TMEM8B: variants seen among roughly 807,000 people sequenced by gnomAD.
TMEM8B encodes transmembrane protein 8B.
In TMEM8B, 29 loss-of-function variants were observed where a neutral mutation model predicts 49.3. The ratio of observed to expected loss-of-function variants is 0.59; its 90% CI spans 0.44 to 0.80. The LOEUF (loss-of-function observed/expected upper bound fraction) is 0.80. TMEM8B is among the 30% of genes least tolerant of loss of function. The probability of loss-of-function intolerance (pLI) is 0.00; values close to 1 mark genes in which losing one functional copy is unlikely to be tolerated. For synonymous variants in TMEM8B, 264 were observed against 272.8 expected (o/e 0.97, Z 0.32); for missense variants, 575 against 658.5 (o/e 0.87, Z 1.39).
intron 1 of TMEM8B, 137 bp from the exon 2 acceptor site, chr9:35,834,324 G>GC: frequency 2.5e-6 from 1 of 397,816 alleles, no homozygotes; most frequent in Non-Finnish European, 4.4e-6. Context: ...CAGATCTGCA[G>GC]CCTGAAACCC....
intron 10 of TMEM8B, among the ~76,000 whole-genome samples, chr9:35,850,262 C>T (rs1588176460): frequency 1.3e-5 from 2 of 152,266 alleles, no homozygotes; most frequent in Non-Finnish European, 2.9e-5. Context: ...GAAAAAAAAC[C>T]TTGCAGGATA....
chr9:35,832,856 C>T (rs1830049090), intron 1 of TMEM8B, among the ~76,000 whole-genome samples: 1 of 152,208 alleles, frequency 6.6e-6, no homozygotes, highest in Admixed American at 6.5e-5. Context: ...GGAAACCCGT[C>T]TCTTCCATCA....
In TMEM8B at chr9:35,829,333, G is replaced by A. The variant is rs1829592523; in HGVS notation, c.-115G>A. 5.5e-6 allele frequency: 2 copies of A among 365,798 alleles called. No individual in the cohort carries two copies. The highest frequency in any genetic ancestry group is 9.3e-5 in the Admixed American group (2 of 21,520). The allele number at this position is 365,798 out of a possible 1,614,324, so 22.7% of individuals were successfully genotyped here. On this transcript the variant is annotated 5_prime_UTR_variant, in exon 1 of 13. Transcript: ENST00000643932. ...ACTCCTACCCAGGTCCCCGGCCCCC[G>A]CCCCGGGCCCGCGAGGACACCGGAG...
chr9:35,839,873 C>T (rs1436360053), intron 3 of TMEM8B, among the ~76,000 whole-genome samples: 3 of 152,218 alleles, frequency 2.0e-5, no homozygotes, highest in African/African-American at 4.8e-5. Context: ...ATTTTAGCAC[C>T]TAGTGTGTGC....
In TMEM8B at chr9:35,858,369, G is replaced by C. The variant is rs1832589786; in HGVS notation, c.*4529G>C. 1 of 152,082 alleles carries C rather than the reference G, an allele frequency of 6.6e-6. No individual in the cohort carries two copies. Among genetic ancestry groups the C allele is most frequent in the South Asian group, 2.1e-4 (1 of 4,808 alleles). 9.4% of individuals were successfully genotyped at this position (152,082 alleles called of 1,614,324 possible). A position where few individuals can be genotyped will look rare whatever the true frequency, so the allele number is the denominator to read the frequency against. ...GTCTCCCAAAGTGCTGGGATTACAG[G>C]TATGAGCCACCACACCTGGCCCACT... On this transcript the variant is annotated 3_prime_UTR_variant, in exon 13 of 13. Transcript: ENST00000643932.
intron 1 of TMEM8B, among the ~76,000 whole-genome samples, chr9:35,834,031 T>TACACAC (rs377460934): frequency 0.14 from 19,579 of 138,164 alleles, 1,581 homozygotes; most frequent in East Asian, 0.3. Flanking sequence ...CATGCCAAAA[T>TACACAC]ACACACACAC....
At chr9:35,848,201 T>C (rs568302692) in intron 10 of TMEM8B, among the ~76,000 whole-genome samples, 105 of 152,322 alleles carry the variant, frequency 6.9e-4, no homozygotes, top group African/African-American at 2.4e-3. Flanking sequence ...TCTGCAACCA[T>C]GCTGCAGAGA....
chr9:35,832,498 C>T (rs1361936066), intron 1 of TMEM8B, among the ~76,000 whole-genome samples: 4 of 152,246 alleles, frequency 2.6e-5, no homozygotes, highest in Non-Finnish European at 5.9e-5. Context: ...TAGCCCCTGG[C>T]CACTGTGGGG....
Position 35,846,918 on chromosome 9 carries a change from C to A in TMEM8B, c.2098C>A (p.Pro700Thr), listed in dbSNP as rs747613160. Residue 700 changes from proline to threonine, a missense_variant, in exon 10 of 13, where the codon CCA becomes ACA. Pro to Thr is a conservative substitution (Grantham distance 38). Coordinates refer to ENST00000643932, the MANE Select transcript of TMEM8B (RefSeq NM_001042590.4). ...CTGCCTGAGCAACCTCATGTTTCTG[C>A]CACCTGTGGTCCTGGCCATTCGGAG... ...LLCLSNLMFL[P>T]PVVLAIRSRY... The A allele has an allele frequency of 1.2e-5, 20 of 1,614,142 alleles. No homozygotes were observed. The South Asian group carries it at 2.1e-4, about 17-fold the overall frequency.
rs1300351303 is a variant in TMEM8B at position 35,861,511 on chromosome 9, C to G, written c.*7671C>G. 2 of 152,548 alleles carry G rather than the reference C, an allele frequency of 1.3e-5. No homozygotes were observed. The highest frequency in any genetic ancestry group is 4.8e-5 in the African/African-American group (2 of 41,476). The allele number at this position is 152,548 out of a possible 1,614,324, so 9.4% of individuals were successfully genotyped here. ...TGTCTTCTCTACTACACCTTAAGAGCAGGACTCTGCCTCCTTCCTACCAGC... is the reference window on the plus strand; with the variant it reads ...TGTCTTCTCTACTACACCTTAAGAGGAGGACTCTGCCTCCTTCCTACCAGC... On this transcript the variant is annotated 3_prime_UTR_variant, in exon 13 of 13. Transcript: ENST00000643932.
rs374233112 is a variant in TMEM8B, at chr9:35,853,521, G to A, written c.2456G>A (p.Arg819His). 36 of 1,613,204 alleles carry A rather than the reference G, an allele frequency of 2.2e-5. No homozygotes were observed. Among genetic ancestry groups the A allele is most frequent in the African/African-American group, 1.3e-4 (10 of 75,040 alleles). Reference sequence around the variant, plus strand: ...CTCCCCCAGACAGTACGCAGCGTCCGCCGCCGGCACTGCTACCCACCCACG... The same window carrying A: ...CTCCCCCAGACAGTACGCAGCGTCCACCGCCGGCACTGCTACCCACCCACG... ...LATAWTVRSV[R>H]RRHCYPPTWR... Residue 819 changes from arginine (R) to histidine (H), a missense_variant, in exon 13 of 13, where the codon CGC becomes CAC. Arg to His is a conservative substitution (Grantham distance 29). Transcript: ENST00000643932. This position sits in a 1 kb window ranked among gnomAD's most constrained non-coding sequence, Gnocchi z 4.2.
At chr9:35,850,541 C>G (rs1032729033) in intron 10 of TMEM8B, among the ~76,000 whole-genome samples, 1 of 152,212 alleles carries the variant, frequency 6.6e-6, no homozygotes, top group Admixed American at 6.5e-5. Flanking sequence ...CTTAAACAAT[C>G]TCTTTGACCT....
chr9:35,837,894 A>G (rs1038222774), intron 3 of TMEM8B, among the ~76,000 whole-genome samples: 17 of 152,096 alleles, frequency 1.1e-4, no homozygotes, highest in East Asian at 3.9e-4. Context: ...GGTTGTGGAT[A>G]CCATTTGGCA....
chr9:35,847,159 A>G, intron 10 of TMEM8B, 164 bp downstream of exon 10: 2 of 1,609,104 alleles, frequency 1.2e-6, no homozygotes, highest in Non-Finnish European at 1.7e-6. Context: ...TGCATAGATA[A>G]TGGTCATTTT....
chr9:35,829,276 G>C lies in TMEM8B; in HGVS notation c.-172G>C. The C allele has an allele frequency of 2.8e-6, 1 of 360,386 alleles. No individual in the cohort carries two copies. The highest frequency in any genetic ancestry group is 5.0e-6 in the Non-Finnish European group (1 of 200,702). 22.3% of individuals were successfully genotyped at this position (360,386 alleles called of 1,614,324 possible). A position where few individuals can be genotyped will look rare whatever the true frequency, so the allele number is the denominator to read the frequency against. ...CCGCCGCGGGGCCTGGTTATCGCCG[G>C]TTCAGCGCAGCCCGGAGTCGCCCAG... On this transcript the variant is annotated 5_prime_UTR_variant, in exon 1 of 13. Coordinates refer to ENST00000643932, the MANE Select transcript of TMEM8B (RefSeq NM_001042590.4).
At chr9:35,834,069 C>CACACACCT (rs768278144) in intron 1 of TMEM8B, among the ~76,000 whole-genome samples, 1 of 150,900 alleles carries the variant, frequency 6.6e-6, no homozygotes, top group Non-Finnish European at 1.5e-5. Context: ...CACACACACA[C>CACACACCT]ACCTTCCACA....
rs930728649 is a variant in TMEM8B, at chr9:35,863,853, G to A, written c.*10013G>A. ...GGAGGAGAACCAGAATTACTGCTGA[G>A]CAGCTCCTCTGCATGTGGGTGCAAT... On this transcript the variant is annotated 3_prime_UTR_variant, in exon 13 of 13. Coordinates refer to ENST00000643932, the MANE Select transcript of TMEM8B (RefSeq NM_001042590.4). The A allele has an allele frequency of 1.3e-5, 2 of 152,292 alleles. No homozygotes were observed. The highest frequency in any genetic ancestry group is 4.8e-5 in the African/African-American group (2 of 41,458). 9.4% of individuals were successfully genotyped at this position (152,292 alleles called of 1,614,324 possible). A position where few individuals can be genotyped will look rare whatever the true frequency, so the allele number is the denominator to read the frequency against.
chr9:35,839,302 C>T (rs150718800), intron 3 of TMEM8B, among the ~76,000 whole-genome samples: 405 of 152,338 alleles, frequency 2.7e-3, no homozygotes, highest in African/African-American at 8.3e-3. Context: ...CTTGAGCTTC[C>T]TTGCCTGTGC....
In TMEM8B at chr9:35,865,479, T is replaced by C. The variant is rs1261158259; in HGVS notation, c.*11639T>C. The C allele has an allele frequency of 6.6e-6, 1 of 152,198 alleles. No individual in the cohort carries two copies. 9.4% of individuals were successfully genotyped at this position (152,198 alleles called of 1,614,324 possible). A position where few individuals can be genotyped will look rare whatever the true frequency, so the allele number is the denominator to read the frequency against. ...TTAGAGACTAAAAATCATCCTTCAATAAAGCAGCAGAAGTTGCAAAGTTTC... is the reference window on the plus strand; with the variant it reads ...TTAGAGACTAAAAATCATCCTTCAACAAAGCAGCAGAAGTTGCAAAGTTTC... On this transcript the variant is annotated 3_prime_UTR_variant, in exon 13 of 13. Coordinates refer to ENST00000643932, the MANE Select transcript of TMEM8B (RefSeq NM_001042590.4).
Sources: gnomAD v4.1 joint callset for allele counts (sites outside exome capture counted in the v4.1 genomes callset) on GRCh38, gnomAD v4.1.1 for gene constraint, Gnocchi (gnomAD v3.1) non-coding constraint, MANE v1.5 for transcripts, NCBI Gene and HGNC (gene_info 2026-07-23, HGNC 2026-07-21) for gene names.